Variants in RNF38 observed in about 807,000 individuals in gnomAD.
The protein encoded by RNF38 is ring finger protein 38.
A neutral mutation model predicts 67.2 loss-of-function variants in RNF38; 15 were observed. That is an observed-to-expected ratio of 0.22 (90% confidence interval 0.15 to 0.34). The LOEUF (loss-of-function observed/expected upper bound fraction) is 0.34. Ranked by LOEUF, RNF38 falls within the 10% of genes least tolerant of loss-of-function variation. The pLI is 1.00. For synonymous variants in RNF38, 220 were observed against 218.8 expected, an observed-to-expected ratio of 1.01 and a Z score of -0.05; for missense variants, 524 against 639.9, an observed-to-expected ratio of 0.82 and a Z score of 1.95.
At chr9:36,400,693 G>A (rs369241857), upstream of RNF38, 19 of 985,814 alleles carry the variant, frequency 1.9e-5, no homozygotes, top group East Asian at 1.4e-3. Flanking sequence ...CCGGAACCCC[G>A]GCTCCAACTT....
intron 1 of RNF38, among the ~76,000 whole-genome samples, chr9:36,459,892 CTG>C (rs747755424): frequency 6.6e-6 from 1 of 151,772 alleles, no homozygotes; most frequent in Non-Finnish European, 1.5e-5. Context: ...ACAAGATACT[CTG>C]TGGCGATTAG....
At chr9:36,426,060 T>G (rs1838762277) in intron 1 of RNF38, among the ~76,000 whole-genome samples, 2 of 152,302 alleles carry the variant, frequency 1.3e-5, no homozygotes, top group South Asian at 4.1e-4. Context: ...GGCTGAAGAC[T>G]GTAAGTGAGG....
intron 1 of RNF38, among the ~76,000 whole-genome samples, chr9:36,468,452 T>G (rs1225659722): frequency 3.9e-5 from 6 of 151,926 alleles, no homozygotes; most frequent in African/African-American, 1.4e-4. Flanking sequence ...TAGAAAAGAG[T>G]AGAGGATGGA....
intron 1 of RNF38, among the ~76,000 whole-genome samples, chr9:36,392,361 C>T (rs1034378351): frequency 6.6e-6 from 1 of 152,142 alleles, no homozygotes; most frequent in East Asian, 1.9e-4. Flanking sequence ...ATGTGCTATC[C>T]TTTACCATTA....
intron 1 of RNF38, among the ~76,000 whole-genome samples, chr9:36,447,945 CCCT>C (rs1180991554): frequency 1.3e-5 from 2 of 152,210 alleles, no homozygotes; most frequent in African/African-American, 2.4e-5. Flanking sequence ...GGCTTCTACC[CCCT>C]AAGTTCTTCT....
At chr9:36,349,156 T>C (rs2133440591) in intron 9 of RNF38, among the ~76,000 whole-genome samples, 1 of 152,326 alleles carries the variant, frequency 6.6e-6, no homozygotes, top group Non-Finnish European at 1.5e-5. Flanking sequence ...AGAAAAAGAT[T>C]CCTTTCAAAA....
At position 36,394,140 on chromosome 9, in the gene RNF38, T is replaced by C. The variant is rs557055685; in HGVS notation, c.13-3524A>G. Among the ~76,000 whole-genome samples, 4 of 152,262 alleles carry C rather than the reference T, an allele frequency of 2.6e-5. No individual in the cohort carries two copies. In the South Asian group the frequency reaches 8.3e-4, roughly 32 times the overall value. ...AAATACAAAAATTAGCTGGGCGTGG[T>C]GGCGCACACCTGTAGTCCCAGCTAC... is the stretch of plus-strand genomic sequence containing the variant. On this transcript the variant is annotated intron_variant, in intron 1 of 11. Transcript: ENST00000259605.
chr9:36,480,153 AT>A (rs1407448007), intron 1 of RNF38, among the ~76,000 whole-genome samples: 1 of 151,824 alleles, frequency 6.6e-6, no homozygotes, highest in African/African-American at 2.4e-5. Context: ...TAAGTTTTGT[AT>A]TTTTAGTAGA....
upstream of RNF38, chr9:36,401,273 G>C (rs2134161755): frequency 2.0e-6 from 2 of 978,414 alleles, no homozygotes; most frequent in African/African-American, 1.8e-5. Context: ...ACAGAGCTCC[G>C]CGCGCAGCAC....
At position 36,363,973 on chromosome 9, in the gene RNF38, G is replaced by A. The variant is rs1319204361; in HGVS notation, c.570+5746C>T. Reference sequence around the variant, plus strand: ...CTCAGACTCCCGAGTACCTGGGATAGGCACCCACCACCACGTCTGGCTAAC... The same window carrying A: ...CTCAGACTCCCGAGTACCTGGGATAAGCACCCACCACCACGTCTGGCTAAC... On this transcript the variant is annotated intron_variant, in intron 4 of 11. Coordinates refer to ENST00000259605, the MANE Select transcript of RNF38 (RefSeq NM_022781.5). Among the ~76,000 whole-genome samples the A allele has an allele frequency of 3.3e-5, 3 of 89,672 alleles. 1 individual carries two copies. The highest frequency in any genetic ancestry group is 5.7e-4 in the East Asian group (2 of 3,530). 58.8% of individuals were successfully genotyped at this position (89,672 alleles called of 152,430 possible). A position where few individuals can be genotyped will look rare whatever the true frequency, so the allele number is the denominator to read the frequency against.
At chr9:36,429,321 TG>T (rs1838867216) in intron 1 of RNF38, among the ~76,000 whole-genome samples, 1 of 152,172 alleles carries the variant, frequency 6.6e-6, no homozygotes, top group South Asian at 2.1e-4. Flanking sequence ...TTGAAGACAA[TG>T]GTCCTCTCGT....
intron 2 of RNF38, among the ~76,000 whole-genome samples, chr9:36,412,229 T>G (rs1049773140): frequency 2.0e-5 from 3 of 152,216 alleles, no homozygotes; most frequent in Non-Finnish European, 4.4e-5. Flanking sequence ...TCCACCATGC[T>G]TACAAATATC....
chr9:36,376,857 C>T (rs929165165), intron 2 of RNF38, among the ~76,000 whole-genome samples: 16 of 143,578 alleles, frequency 1.1e-4, no homozygotes, highest in African/African-American at 3.7e-4. Flanking sequence ...ACCCAAGAGG[C>T]GGAGGTTGTT....
At chr9:36,407,679 C>A (rs1838215787) in intron 2 of RNF38, among the ~76,000 whole-genome samples, 3 of 152,206 alleles carry the variant, frequency 2.0e-5, no homozygotes, top group African/African-American at 7.2e-5. Context: ...TGAAGCCACA[C>A]TCTTGCTTGT....
chr9:36,439,268 C>A (rs1413190268), intron 1 of RNF38, among the ~76,000 whole-genome samples: 1 of 152,120 alleles, frequency 6.6e-6, no homozygotes, highest in Non-Finnish European at 1.5e-5. Context: ...TATATGTAGA[C>A]CTAGATGTGA....
intron 2 of RNF38, among the ~76,000 whole-genome samples, chr9:36,409,194 A>G (rs10972885): frequency 6.6e-6 from 1 of 151,314 alleles, no homozygotes; most frequent in Non-Finnish European, 1.5e-5. Flanking sequence ...CCAAGAAAGA[A>G]AGAGAGAGAG....
At chr9:36,371,434 G>A (rs929320804) in intron 3 of RNF38, among the ~76,000 whole-genome samples, 3 of 149,416 alleles carry the variant, frequency 2.0e-5, no homozygotes, top group Admixed American at 6.7e-5. Context: ...TCCACCTTAG[G>A]ACTAAAAGCT....
At chr9:36,400,735 C>A (rs1837954063), upstream of RNF38, 3 of 985,586 alleles carry the variant, frequency 3.0e-6, no homozygotes, top group Admixed American at 6.1e-5. Context: ...TTCCTCCCGG[C>A]ACCATCACAC....
At chr9:36,457,636 G>A (rs1200484274) in intron 1 of RNF38, among the ~76,000 whole-genome samples, 3 of 152,162 alleles carry the variant, frequency 2.0e-5, no homozygotes, top group South Asian at 4.1e-4. Flanking sequence ...GACTGGGCAT[G>A]GTGGCTCACG....
Sources: allele counts gnomAD v4.1 joint callset (sites outside exome capture counted in the v4.1 genomes callset), GRCh38; gene constraint gnomAD v4.1.1; transcripts MANE v1.5; gene names NCBI Gene and HGNC (gene_info 2026-07-23, HGNC 2026-07-21).